EPB41L4A: variants seen among roughly 807,000 people sequenced by gnomAD.
EPB41L4A encodes erythrocyte membrane protein band 4.1 like 4A.
A neutral mutation model predicts 108.6 loss-of-function variants in EPB41L4A; 100 were observed. The ratio of observed to expected loss-of-function variants is 0.92; its 90% confidence interval spans 0.78 to 1.09. The LOEUF is 1.09. Among genes scored for constraint, EPB41L4A ranks in the 50% least tolerant of loss-of-function variants. The probability of loss-of-function intolerance (pLI) is 0.00; values close to 1 mark genes in which losing one functional copy is unlikely to be tolerated. For synonymous variants in EPB41L4A, 319 were observed against 289.0 expected (o/e 1.10, Z -1.05); for missense variants, 1,030 against 842.7 (o/e 1.22, Z -2.75).
intron 1 of EPB41L4A, among the ~76,000 whole-genome samples, chr5:112,326,181 C>A (rs1006057363): frequency 7.9e-5 from 12 of 152,058 alleles, no homozygotes; most frequent in Admixed American, 7.9e-4. Context: ...TTAAACTATA[C>A]ACCAAACCAT....
intron 1 of EPB41L4A, among the ~76,000 whole-genome samples, chr5:112,381,396 T>A (rs1391584531): frequency 1.3e-5 from 2 of 152,204 alleles, no homozygotes; most frequent in African/African-American, 2.4e-5. Context: ...CTCTAAGGTT[T>A]TATAAATGAG....
rs1399742892 is a variant in EPB41L4A, at chr5:112,164,141, A to C, written c.*849T>G. ...CAACTGAGATCCACTTACACTTCTG[A>C]AAACGCAAGAACACTTTAGAAATTA... is the stretch of plus-strand genomic sequence containing the variant. On this transcript the variant is annotated 3_prime_UTR_variant, in exon 23 of 23. Transcript: ENST00000261486. 6.6e-6 allele frequency: 1 copy of C among 152,218 alleles called. No individual in the cohort carries two copies. The highest frequency in any genetic ancestry group is 1.5e-5 in the Non-Finnish European group (1 of 68,032). 9.4% of individuals were successfully genotyped at this position (152,218 alleles called of 1,614,324 possible).
At chr5:112,344,875 A>C (rs922121974) in intron 1 of EPB41L4A, among the ~76,000 whole-genome samples, 1 of 152,236 alleles carries the variant, frequency 6.6e-6, no homozygotes, top group Non-Finnish European at 1.5e-5. Flanking sequence ...ACAGAAAGAG[A>C]CTGGAGTGCT....
intron 1 of EPB41L4A, among the ~76,000 whole-genome samples, chr5:112,371,938 C>T (rs183509067): frequency 6.6e-6 from 1 of 152,112 alleles, no homozygotes; most frequent in East Asian, 1.9e-4. Context: ...ATCTGTAGTC[C>T]CAGCTACTCA....
intron 4 of EPB41L4A, among the ~76,000 whole-genome samples, chr5:112,271,353 T>G (rs1264373229): frequency 1.3e-5 from 2 of 152,228 alleles, no homozygotes; most frequent in Non-Finnish European, 2.9e-5. Context: ...ATTATTTCCA[T>G]GTCAGCTACC....
At position 112,154,453 on chromosome 5, in the gene EPB41L4A, G is replaced by A. The variant is rs115443612; in HGVS notation, n.994+3948C>T. On this transcript the variant is annotated intron_variant and non_coding_transcript_variant, in intron 12 of 13. Transcript: ENST00000507810. Reference sequence around the variant, plus strand: ...TGATATTTAACATTCAATAATTTACGCAATGATTTTAAACATTATCTTAAA... The same window carrying A: ...TGATATTTAACATTCAATAATTTACACAATGATTTTAAACATTATCTTAAA... Among the ~76,000 whole-genome samples, 299 of 152,142 alleles carry A rather than the reference G, an allele frequency of 2.0e-3. 1 individual carries two copies. Among genetic ancestry groups the A allele is most frequent in the African/African-American group, 6.4e-3 (266 of 41,492 alleles).
At chr5:112,228,913 T>G (rs1274720021) in intron 12 of EPB41L4A, 1 of 167,762 alleles carries the variant, frequency 6.0e-6, no homozygotes, top group Non-Finnish European at 1.2e-5. Context: ...ATGTACTTCC[T>G]CATAAAGGTG....
At chr5:112,362,438 G>A (rs6863425) in intron 1 of EPB41L4A, among the ~76,000 whole-genome samples, 7,331 of 152,020 alleles carry the variant, frequency 0.048, 526 homozygotes, top group African/African-American at 0.16. Flanking sequence ...GCGCTGCTGC[G>A]CCAAGATAAT....
chr5:112,285,028 T>G (rs780915466), intron 2 of EPB41L4A, among the ~76,000 whole-genome samples: 1 of 152,180 alleles, frequency 6.6e-6, no homozygotes, highest in Non-Finnish European at 1.5e-5. Flanking sequence ...CAACCTTTCA[T>G]TTGTCAACTG....
rs56198310 is a variant in EPB41L4A, at chr5:112,151,701, C to T, written n.995-5703G>A. On this transcript the variant is annotated intron_variant and non_coding_transcript_variant, in intron 12 of 13. Transcript: ENST00000507810. ...GTGATTACAGGCATGAGCCACTGCACCCAGTCCCATATTATTTTATATATT... is the reference window on the plus strand; with the variant it reads ...GTGATTACAGGCATGAGCCACTGCATCCAGTCCCATATTATTTTATATATT... 7.4e-3 allele frequency among the ~76,000 whole-genome samples: 1,129 copies of T among 151,908 alleles called. 7 individuals are homozygous for T. The highest frequency in any genetic ancestry group is 0.01 in the Admixed American group (156 of 15,250).
intron 9 of EPB41L4A, among the ~76,000 whole-genome samples, chr5:112,249,859 C>T (rs902604945): frequency 1.3e-5 from 2 of 152,108 alleles, no homozygotes; most frequent in Admixed American, 6.6e-5. Flanking sequence ...ACCTTTAATG[C>T]GCTAATATGT....
chr5:112,260,292 T>G (rs947839143), intron 7 of EPB41L4A, among the ~76,000 whole-genome samples: 1 of 152,240 alleles, frequency 6.6e-6, no homozygotes, highest in Non-Finnish European at 1.5e-5. Flanking sequence ...CCTAGCAACA[T>G]ATTAACTGGA....
intron 1 of EPB41L4A, among the ~76,000 whole-genome samples, chr5:112,396,229 C>T (rs1761341053): frequency 6.6e-6 from 1 of 151,578 alleles, no homozygotes; most frequent in Non-Finnish European, 1.5e-5. Flanking sequence ...GCACATGTAC[C>T]CAAGAACTTA....
intron 18 of EPB41L4A, among the ~76,000 whole-genome samples, chr5:112,183,022 G>A (rs768054022): frequency 7.9e-5 from 12 of 151,970 alleles, no homozygotes; most frequent in African/African-American, 1.9e-4. Flanking sequence ...ACATATACAC[G>A]GGGTTAATTT....
chr5:112,191,447 A>G (rs562385550), intron 17 of EPB41L4A, among the ~76,000 whole-genome samples: 5 of 152,152 alleles, frequency 3.3e-5, no homozygotes, highest in Non-Finnish European at 7.4e-5. Flanking sequence ...GTGGATTATT[A>G]TTTTTTAAAA....
rs944101245 is a variant in EPB41L4A at position 112,162,799 on chromosome 5, G to T, written c.*2191C>A. Reference sequence around the variant, plus strand: ...GATTTTCTTAGGGAAACCTGAGAAAGAGTTGAGACTAAAGGTATGTGTCAT... The same window carrying T: ...GATTTTCTTAGGGAAACCTGAGAAATAGTTGAGACTAAAGGTATGTGTCAT... On this transcript the variant is annotated 3_prime_UTR_variant, in exon 23 of 23. Coordinates refer to ENST00000261486, the MANE Select transcript of EPB41L4A (RefSeq NM_022140.5). 1.3e-5 allele frequency: 2 copies of T among 152,218 alleles called. No individual in the cohort carries two copies. The highest frequency in any genetic ancestry group is 2.9e-5 in the Non-Finnish European group (2 of 68,026). 9.4% of individuals were successfully genotyped at this position (152,218 alleles called of 1,614,324 possible).
chr5:112,228,927 G>A (rs896271360), intron 12 of EPB41L4A: 1 of 160,772 alleles, frequency 6.2e-6, no homozygotes, highest in African/African-American at 2.4e-5. Flanking sequence ...AAAGGTGCCA[G>A]GGCCTGCACT....
intron 1 of EPB41L4A, among the ~76,000 whole-genome samples, chr5:112,337,699 A>G (rs1757012428): frequency 6.6e-6 from 1 of 152,198 alleles, no homozygotes; most frequent in Non-Finnish European, 1.5e-5. Flanking sequence ...GTGTTACAAT[A>G]CATAAGAAGT....
At position 112,390,297 on chromosome 5, in the gene EPB41L4A, G is replaced by A. The variant is rs977749673; in HGVS notation, c.99+28644C>T. On this transcript the variant is annotated intron_variant, in intron 1 of 22. Coordinates refer to ENST00000261486, the MANE Select transcript of EPB41L4A (RefSeq NM_022140.5). ...AGGGGATTTCCCTTTCCTAGCCAAGGGAAGCCGTGACAGACTGTACCTGGA... is the reference window on the plus strand; with the variant it reads ...AGGGGATTTCCCTTTCCTAGCCAAGAGAAGCCGTGACAGACTGTACCTGGA... Among the ~76,000 whole-genome samples, 5 of 152,180 alleles carry A rather than the reference G, an allele frequency of 3.3e-5. No homozygotes were observed. In the East Asian group the frequency reaches 9.6e-4, roughly 29 times the overall value.
Sources: gnomAD v4.1 joint callset for allele counts (sites outside exome capture counted in the v4.1 genomes callset) on GRCh38, gnomAD v4.1.1 for gene constraint, MANE v1.5 for transcripts, NCBI Gene and HGNC (gene_info 2026-07-23, HGNC 2026-07-21) for gene names.